The following P3H1 variants were observed in gnomAD, a reference collection of about 807,000 sequenced individuals.
P3H1 encodes prolyl 3-hydroxylase 1, also known as growth suppressor 1.
In P3H1, 69 loss-of-function variants were observed where a neutral mutation model predicts 84.0. That is an observed-to-expected ratio of 0.82 (90% confidence interval 0.68 to 1.00). The LOEUF (loss-of-function observed/expected upper bound fraction) is 1.00. P3H1 is among the 50% of genes least tolerant of loss of function. The pLI, the probability that P3H1 is intolerant of heterozygous loss-of-function variation, is 0.00. For synonymous variants in P3H1, 366 were observed against 388.8 expected (o/e 0.94, Z 0.69); for missense variants, 878 against 962.8 (o/e 0.91, Z 1.17).
rs1350209322 is a variant in P3H1, at chr1:42,750,546, T to C, written c.1570-210A>G. On this transcript the variant is annotated intron_variant, in intron 10 of 14. Coordinates refer to ENST00000296388, the MANE Select transcript of P3H1 (RefSeq NM_022356.4). ...ACGAGATCTGGTGGCTTTAAAAAAA[T>C]GGGAGTTTGCGTCCGGGAGGTGAGG... Among the ~76,000 whole-genome samples, 5 of 151,872 alleles carry C rather than the reference T, an allele frequency of 3.3e-5. No individual in the cohort carries two copies. In the East Asian group the frequency reaches 7.8e-4, roughly 24 times the overall value.
intron 10 of P3H1, chr1:42,751,793 G>A (rs1225469028): frequency 2.0e-5 from 4 of 204,934 alleles, no homozygotes; most frequent in East Asian, 1.1e-4. Context: ...TCTCGGGTAC[G>A]TCTTTATCAG....
At chr1:42,750,121 A>C in intron 11 of P3H1, 65 bp downstream of exon 11, 1 of 1,559,672 alleles carries the variant, frequency 6.4e-7, no homozygotes, top group East Asian at 2.3e-5. Context: ...CTGTGTCTTC[A>C]GCATCCAGCA....
At position 42,754,793 on chromosome 1, in the gene P3H1, GCTGCCTGGCAAATGTGGGGTGAC is replaced by G. The variant is rs1652294634; in HGVS notation, c.1345+53_1345+75del. The G allele has an allele frequency of 5.6e-6, 9 of 1,597,646 alleles. No homozygotes were observed. The highest frequency in any genetic ancestry group is 6.9e-6 in the Non-Finnish European group (8 of 1,166,796). On this transcript the variant is annotated intron_variant, in intron 8 of 14. Coordinates refer to ENST00000296388, the MANE Select transcript of P3H1 (RefSeq NM_022356.4). The surrounding 1 kb of genome is among the most constrained non-coding windows in gnomAD (Gnocchi z 4.0). ...GAGCTCTGCAATGCTGGGGTGGAGC[GCTGCCTGGCAAATGTGGGGTGAC>G]CTGCCTGGCTCCCTGACAACAGCCA... is the stretch of plus-strand genomic sequence containing the variant.
chr1:42,750,028 T>C (rs1341234312), intron 11 of P3H1, 158 bp downstream of exon 11: 19 of 827,044 alleles, frequency 2.3e-5, no homozygotes, highest in Non-Finnish European at 3.7e-5. Context: ...TCCATGCTAC[T>C]GTGGCATGCA....
intron 6 of P3H1, 124 bp from the exon 7 acceptor site, chr1:42,755,341 A>G (rs1416783807): frequency 9.5e-6 from 10 of 1,057,350 alleles, no homozygotes; most frequent in Non-Finnish European, 1.5e-5. Context: ...TCAGGAGACA[A>G]AATGGGAGGT....
In P3H1 at chr1:42,752,164, T is replaced by TGG. The variant is rs1041933739; in HGVS notation, c.1569+108_1569+109dup. 1.1e-5 allele frequency: 10 copies of TGG among 883,046 alleles called. No individual in the cohort carries two copies. In the African/African-American group the frequency reaches 1.6e-4, roughly 14 times the overall value. The allele number at this position is 883,046 out of a possible 1,614,324, so 54.7% of individuals were successfully genotyped here. A position where few individuals can be genotyped will look rare whatever the true frequency, so the allele number is the denominator to read the frequency against. On this transcript the variant is annotated intron_variant, in intron 10 of 14. Coordinates refer to ENST00000296388, the MANE Select transcript of P3H1 (RefSeq NM_022356.4). Reference sequence around the variant, plus strand: ...TCCTGGCAACAAGAATGTTGGCAGGTGGACCCTCTTCACCTTTCCTGCCAC... The same window carrying TGG: ...TCCTGGCAACAAGAATGTTGGCAGGTGGGGACCCTCTTCACCTTTCCTGCCAC...
rs1477636247 is a variant in P3H1 at position 42,754,597 on chromosome 1, C to T, written c.1345+272G>A. The stretch of plus-strand genomic sequence containing the variant: ...CAAACTCCTGGGCTCAAGCGATCCT[C>T]CTGCCTCAGCCTGCCAAGTAGCTGG... On this transcript the variant is annotated intron_variant, in intron 8 of 14. Coordinates refer to ENST00000296388, the MANE Select transcript of P3H1 (RefSeq NM_022356.4). This position sits in a 1 kb window ranked among gnomAD's most constrained non-coding sequence, Gnocchi z 4.0. 6.6e-6 allele frequency among the ~76,000 whole-genome samples: 1 copy of T among 152,030 alleles called. No homozygotes were observed.
chr1:42,750,844 GC>G (rs912882207), intron 10 of P3H1, among the ~76,000 whole-genome samples: 4 of 150,284 alleles, frequency 2.7e-5, no homozygotes, highest in African/African-American at 9.8e-5. Context: ...TGCCCGGCCA[GC>G]CGCCCTATCC....
chr1:42,752,918 C>T (rs1331096387), intron 8 of P3H1, among the ~76,000 whole-genome samples: 1 of 152,110 alleles, frequency 6.6e-6, no homozygotes, highest in Non-Finnish European at 1.5e-5. Flanking sequence ...CTTGAGGAAA[C>T]ATCAGAAACA....
intron 1 of P3H1, among the ~76,000 whole-genome samples, chr1:42,765,565 A>G (rs1464409656): frequency 6.6e-6 from 1 of 151,912 alleles, no homozygotes; most frequent in African/African-American, 2.4e-5. Context: ...AATTATTTTG[A>G]TTTCAAGTCC....
rs2124119739 is a variant in P3H1 at position 42,754,781 on chromosome 1, C to A, written c.1345+88G>T. ...CTGGCTCATGGTGAGCTCTGCAATG[C>A]TGGGGTGGAGCGCTGCCTGGCAAAT... On this transcript the variant is annotated intron_variant, in intron 8 of 14. Transcript: ENST00000296388. The surrounding 1 kb of genome is among the most constrained non-coding windows in gnomAD (Gnocchi z 4.0). 6.3e-7 allele frequency: 1 copy of A among 1,578,186 alleles called. No individual in the cohort carries two copies. Among genetic ancestry groups the A allele is most frequent in the Admixed American group, 1.7e-5 (1 of 59,654 alleles).
Position 42,759,263 on chromosome 1 carries a change from G to A in P3H1, c.746C>T (p.Pro249Leu). 6.2e-7 allele frequency: 1 copy of A among 1,614,116 alleles called. No individual in the cohort carries two copies. The highest frequency in any genetic ancestry group is 8.5e-7 in the Non-Finnish European group (1 of 1,180,016). The change falls in exon 3 of 15, where the codon CCC (proline) becomes CTC (leucine). Residue 249 changes from proline to leucine, a missense_variant. Pro to Leu is a moderately conservative substitution (Grantham distance 98). Transcript: ENST00000296388. ...YEECRALCEGPYDYDGYNYLE... is the reference protein window; with the variant it reads ...YEECRALCEGLYDYDGYNYLE... ...GTAGTTGTAGCCATCGTAGTCATAG[G>A]GCCCTTCGCAGAGGGCACGGCACTC... is the stretch of plus-strand genomic sequence containing the variant.
intron 1 of P3H1, among the ~76,000 whole-genome samples, chr1:42,764,778 C>G (rs1398491550): frequency 6.6e-6 from 1 of 152,148 alleles, no homozygotes; most frequent in Admixed American, 6.5e-5. Context: ...AGGTAAATAA[C>G]TCCCCATCTC....
rs761665074 is a variant in P3H1, at chr1:42,758,908, G to A, written c.884C>T (p.Pro295Leu). Residue 295 changes from proline to leucine, a missense_variant, in exon 4 of 15, where the codon CCC (proline) becomes CTC (leucine). Physicochemically the swap from Pro to Leu is moderately conservative, Grantham distance 98. Coordinates refer to ENST00000296388, the MANE Select transcript of P3H1 (RefSeq NM_022356.4). ...ELASHPSREKPFEDFLPSHYN... is the reference protein window; with the variant it reads ...ELASHPSREKLFEDFLPSHYN... ...ATGCGATGGGAGGAAGTCTTCAAAG[G>A]GCTTCTCTCGACTTGGGTGGGAAGC... 1 of 1,614,060 alleles carries A rather than the reference G, an allele frequency of 6.2e-7. No individual in the cohort carries two copies.
Position 42,762,587 on chromosome 1 carries a change from C to T in P3H1, c.466-112G>A. On this transcript the variant is annotated intron_variant, in intron 1 of 14. Transcript: ENST00000296388. ...AATCCCTGCCTCCCTGAGCCCTCCA[C>T]TCAGCGTGCCCAGCCCCTGCCAGCC... is the stretch of plus-strand genomic sequence containing the variant. 7 of 1,172,258 alleles carry T rather than the reference C, an allele frequency of 6.0e-6. No individual in the cohort carries two copies. In the South Asian group the frequency reaches 6.2e-5, roughly 10 times the overall value. The allele number at this position is 1,172,258 out of a possible 1,614,324, so 72.6% of individuals were successfully genotyped here.
chr1:42,751,744 T>A lies in P3H1; in HGVS notation c.1569+530A>T, dbSNP rs146703749. 978 of 185,254 alleles carry A rather than the reference T, an allele frequency of 5.3e-3. 31 individuals carry two copies. The East Asian group carries it at 0.095, about 18-fold the overall frequency. 11.5% of individuals were successfully genotyped at this position (185,254 alleles called of 1,614,324 possible). A position where few individuals can be genotyped will look rare whatever the true frequency, so the allele number is the denominator to read the frequency against. On this transcript the variant is annotated intron_variant, in intron 10 of 14. Transcript: ENST00000296388. ...AGGCTTCCCCAGCCACATGGAACTG[T>A]AAGTCCAAGTAAACCTCTTTCTTTT...
At chr1:42,766,021 C>CCCCAACA (rs1240213907) in intron 1 of P3H1, among the ~76,000 whole-genome samples, 1 of 141,240 alleles carries the variant, frequency 7.1e-6, no homozygotes, top group African/African-American at 2.9e-5. Flanking sequence ...CCCCCCGCCC[C>CCCCAACA]CACACACACA....
At position 42,750,408 on chromosome 1, in the gene P3H1, T is replaced by A; in HGVS notation, c.1570-72A>T. The A allele has an allele frequency of 1.9e-6, 3 of 1,550,914 alleles. No individual in the cohort carries two copies. In the South Asian group the frequency reaches 3.4e-5, roughly 18 times the overall value. ...TTGGCTCTGTGTCCCTACCCAAATC[T>A]TATCTTGTAGTTCCCATAATTCCCA... On this transcript the variant is annotated intron_variant, in intron 10 of 14. Transcript: ENST00000296388.
At chr1:42,748,892 G>A (rs1447430507) in intron 11 of P3H1, 2 of 193,140 alleles carry the variant, frequency 1.0e-5, no homozygotes, top group African/African-American at 4.7e-5. Flanking sequence ...CCTTTGGCAT[G>A]CTCTATGTAG....
Sources: gnomAD v4.1 joint callset for allele counts (sites outside exome capture counted in the v4.1 genomes callset) on GRCh38, gnomAD v4.1.1 for gene constraint, Gnocchi (gnomAD v3.1) non-coding constraint, MANE v1.5 for transcripts, NCBI Gene and HGNC (gene_info 2026-07-23, HGNC 2026-07-21) for gene names.